Variants in GALNT16 observed in about 807,000 individuals in gnomAD.
The protein encoded by GALNT16 is UDP-GalNAc:polypeptide N-acetylgalactosaminyltransferase-like protein 1.
Under a neutral mutation model 76.1 loss-of-function variants are expected in GALNT16, and 40 were observed. The observed-to-expected ratio is 0.53, with a 90% CI of 0.41 to 0.68. GALNT16 has a LOEUF of 0.68. Among genes scored for constraint, GALNT16 ranks in the 30% least tolerant of loss-of-function variants. The pLI is 0.00. For missense variants in GALNT16, 621 were observed against 731.9 expected, an observed-to-expected ratio of 0.85 and a Z score of 1.75; for synonymous variants, 276 against 285.2, an observed-to-expected ratio of 0.97 and a Z score of 0.32.
chr14:69,331,524 C>T lies in GALNT16; in HGVS notation c.751C>T (p.Leu251Phe), dbSNP rs2045352434. Residue 251 changes from leucine (L) to phenylalanine (F), a missense_variant, in exon 7 of 15, where the codon CTT becomes TTT. By Grantham distance (22) the Leu-to-Phe change is conservative (BLOSUM62 0). Coordinates refer to ENST00000448469, the MANE Select transcript of GALNT16 (RefSeq NM_001168368.2). The part of the protein sequence containing the change: ...DVISLDNFAY[L>F]AASADLRGGF... ...CATCAGTCTGGATAATTTTGCCTACCTTGCAGCATCTGCTGACCTTCGTGG... is the reference window on the plus strand; with the variant it reads ...CATCAGTCTGGATAATTTTGCCTACTTTGCAGCATCTGCTGACCTTCGTGG... The T allele has an allele frequency of 6.2e-7, 1 of 1,606,782 alleles. No individual in the cohort carries two copies. The highest frequency in any genetic ancestry group is 8.5e-7 in the Non-Finnish European group (1 of 1,173,232).
At chr14:69,381,231 G>A in the GALNT16 span, among the ~76,000 whole-genome samples, 11 of 152,150 alleles carry the variant, frequency 7.2e-5, no homozygotes, top group African/African-American at 4.8e-5. Context: ...AGCCGAGATC[G>A]TGCCACTGCA....
At chr14:69,287,076 A>G (rs1302518295) in intron 1 of GALNT16, among the ~76,000 whole-genome samples, 1 of 152,054 alleles carries the variant, frequency 6.6e-6, no homozygotes, top group Non-Finnish European at 1.5e-5. Context: ...GTCACTCACC[A>G]TTCCTGGTTT....
At chr14:69,281,422 T>C (rs1397390342) in intron 1 of GALNT16, among the ~76,000 whole-genome samples, 1 of 152,052 alleles carries the variant, frequency 6.6e-6, no homozygotes, top group Non-Finnish European at 1.5e-5. Flanking sequence ...CTCCAGACCT[T>C]GTTAGGTGTG....
chr14:69,316,077 C>T (rs1054882943), intron 1 of GALNT16, among the ~76,000 whole-genome samples: 3 of 152,188 alleles, frequency 2.0e-5, no homozygotes, highest in African/African-American at 7.2e-5. Flanking sequence ...ATTGGCCTAG[C>T]CAGGGTCTTG....
At chr14:69,385,903 ATCTCCTAAGACAC>A in the GALNT16 span, among the ~76,000 whole-genome samples, 1 of 152,026 alleles carries the variant, frequency 6.6e-6, no homozygotes, top group South Asian at 2.1e-4. Flanking sequence ...TGCTCCTCCA[ATCTCCTAAGACAC>A]TCTCCTTCAC....
intron 1 of GALNT16, among the ~76,000 whole-genome samples, chr14:69,270,418 C>G (rs1440725402): frequency 6.6e-6 from 1 of 152,174 alleles, no homozygotes; most frequent in African/African-American, 2.4e-5. Context: ...CACCTTTTTT[C>G]TGTGGTTTAG....
chr14:69,338,480 G>T (rs12885934), intron 9 of GALNT16, among the ~76,000 whole-genome samples, 171 bp from the exon 10 acceptor site: 7 of 152,188 alleles, frequency 4.6e-5, no homozygotes, highest in African/African-American at 1.7e-4. Flanking sequence ...CGTAGAGTGG[G>T]CAGTCAGGAA....
At chr14:69,326,489 A>G (rs1479927563) in intron 5 of GALNT16, among the ~76,000 whole-genome samples, 2 of 152,212 alleles carry the variant, frequency 1.3e-5, no homozygotes, top group African/African-American at 4.8e-5. Context: ...GCTACTACAT[A>G]GCCAAGGGGT....
intron 5 of GALNT16, among the ~76,000 whole-genome samples, chr14:69,326,443 G>A (rs536219633): frequency 8.5e-5 from 13 of 152,332 alleles, no homozygotes; most frequent in South Asian, 4.1e-4. Flanking sequence ...TAGGGGACAC[G>A]AAGGAAGTAC....
At position 69,281,273 on chromosome 14, in the gene GALNT16, C is replaced by T. The variant is rs532358250; in HGVS notation, c.177+20806C>T. On this transcript the variant is annotated intron_variant, in intron 1 of 14. Transcript: ENST00000448469. ...TTTAATGCAGTGAACAAGGAACTGT[C>T]AGTATCTCCATTTTGCAGATGAAAA... Among the ~76,000 whole-genome samples, 4 of 152,318 alleles carry T rather than the reference C, an allele frequency of 2.6e-5. No individual in the cohort carries two copies. In the South Asian group the frequency reaches 8.3e-4, roughly 32 times the overall value.
At chr14:69,276,083 G>A (rs2044467136) in intron 1 of GALNT16, among the ~76,000 whole-genome samples, 1 of 152,096 alleles carries the variant, frequency 6.6e-6, no homozygotes, top group African/African-American at 2.4e-5. Flanking sequence ...AGAATAGCAC[G>A]GGAAAGATGA....
chr14:69,262,038 A>C (rs1298745077), intron 1 of GALNT16, among the ~76,000 whole-genome samples: 1 of 152,216 alleles, frequency 6.6e-6, no homozygotes, highest in African/African-American at 2.4e-5. Flanking sequence ...CCAAACCAGC[A>C]GTGGCCTCCA....
intron 1 of GALNT16, among the ~76,000 whole-genome samples, chr14:69,273,673 T>A (rs867165725): frequency 1.8e-4 from 28 of 152,350 alleles, no homozygotes; most frequent in African/African-American, 6.7e-4. Flanking sequence ...CATTCTCATC[T>A]CCTTGGGCCA....
At chr14:69,274,622 C>G (rs1384263397) in intron 1 of GALNT16, among the ~76,000 whole-genome samples, 1 of 152,128 alleles carries the variant, frequency 6.6e-6, no homozygotes, top group African/African-American at 2.4e-5. Flanking sequence ...TGGTTGGCTT[C>G]CCCCAGAGCA....
the GALNT16 span, among the ~76,000 whole-genome samples, chr14:69,374,460 C>G: frequency 1.7e-4 from 26 of 152,170 alleles, 1 homozygote; most frequent in East Asian, 4.6e-3. Context: ...TACTATATAC[C>G]AGGCATTTTC....
At chr14:69,330,342 T>G (rs2045337451) in intron 6 of GALNT16, among the ~76,000 whole-genome samples, 1 of 152,236 alleles carries the variant, frequency 6.6e-6, no homozygotes, top group South Asian at 2.1e-4. Context: ...ATTATATGAT[T>G]CCTTTCATAG....
Position 69,261,814 on chromosome 14 carries a change from A to T in GALNT16, c.177+1347A>T, listed in dbSNP as rs1199377549. 2.0e-5 allele frequency among the ~76,000 whole-genome samples: 3 copies of T among 151,930 alleles called. No homozygotes were observed. Among genetic ancestry groups the T allele is most frequent in the African/African-American group, 7.3e-5 (3 of 41,350 alleles). On this transcript the variant is annotated intron_variant, in intron 1 of 14. Transcript: ENST00000448469. The surrounding 1 kb of genome is among the most constrained non-coding windows in gnomAD (Gnocchi z 6.4). ...TGAGGAGACCTGGGGCGGGGGGGTGAGGTTGTGGGTTTTGTCCTAGATACC... is the reference window on the plus strand; with the variant it reads ...TGAGGAGACCTGGGGCGGGGGGGTGTGGTTGTGGGTTTTGTCCTAGATACC...
At chr14:69,328,236 G>T (rs186868490) in intron 5 of GALNT16, among the ~76,000 whole-genome samples, 1 of 152,064 alleles carries the variant, frequency 6.6e-6, no homozygotes, top group Non-Finnish European at 1.5e-5. Context: ...GAGGGCACTC[G>T]GGGTGTGACC....
At chr14:69,281,381 G>A (rs569235112) in intron 1 of GALNT16, among the ~76,000 whole-genome samples, 1 of 152,310 alleles carries the variant, frequency 6.6e-6, no homozygotes, top group African/African-American at 2.4e-5. Context: ...TAACCACACA[G>A]GCATATAAAG....
Sources: gnomAD v4.1 joint callset for allele counts (sites outside exome capture counted in the v4.1 genomes callset) on GRCh38, gnomAD v4.1.1 for gene constraint, Gnocchi (gnomAD v3.1) non-coding constraint, MANE v1.5 for transcripts, NCBI Gene and HGNC (gene_info 2026-07-23, HGNC 2026-07-21) for gene names.